Variants in TPSG1 observed in about 807,000 individuals in gnomAD.
TPSG1 encodes tryptase gamma 1, also known as tryptase gamma.
TPSG1 carries 43 observed loss-of-function variants against 23.8 expected under a neutral mutation model. That is an observed-to-expected ratio of 1.81 (90% CI 1.42 to 2.33). The LOEUF is 2.33. Ranked by LOEUF, TPSG1 falls within the 30% of genes most tolerant of loss-of-function variation. The probability of loss-of-function intolerance (pLI) is 0.00; values close to 1 mark genes in which losing one functional copy is unlikely to be tolerated. For missense variants in TPSG1, 623 were observed against 438.6 expected (o/e 1.42, Z -3.75); for synonymous variants, 302 against 201.3 (o/e 1.50, Z -4.23).
In TPSG1 at chr16:1,222,676, C is replaced by T. The variant is rs137977482; in HGVS notation, c.487G>A (p.Gly163Ser). ...FCPGIRCWVTGWGYTREGEPL... is the reference protein window; with the variant it reads ...FCPGIRCWVTSWGYTREGEPL... Reference sequence around the variant, plus strand: ...CCTCCCTCCCGCGTATAGCCCCAGCCGGTCACCCAGCACCGGATCCCAGGG... The same window carrying T: ...CCTCCCTCCCGCGTATAGCCCCAGCTGGTCACCCAGCACCGGATCCCAGGG... Residue 163 changes from glycine to serine, a missense_variant, in exon 4 of 6, where the codon GGC becomes AGC. Physicochemically the swap from Gly to Ser is moderately conservative, Grantham distance 56. Coordinates refer to ENST00000234798, the MANE Select transcript of TPSG1 (RefSeq NM_012467.4). 464 of 1,576,616 alleles carry T rather than the reference C, an allele frequency of 2.9e-4. 2 individuals carry two copies. The African/African-American group carries it at 3.9e-3, about 13-fold the overall frequency.
chr16:1,222,325 C>A lies in TPSG1; in HGVS notation c.528G>T (p.Pro176=). ...YTREGEPLPP[P]YSLREVKVSV... ...AGACTTTCACCTCCCGCAGGCTGTACGGGGGTGGCAGAGGCTCTGGGGTGG... is the reference window on the plus strand; with the variant it reads ...AGACTTTCACCTCCCGCAGGCTGTAAGGGGGTGGCAGAGGCTCTGGGGTGG... Residue 176 remains proline, a synonymous_variant, in exon 5 of 6, where the codon CCG becomes CCT. Coordinates refer to ENST00000234798, the MANE Select transcript of TPSG1 (RefSeq NM_012467.4). The A allele has an allele frequency of 6.2e-7, 1 of 1,600,236 alleles. No individual in the cohort carries two copies. The highest frequency in any genetic ancestry group is 8.5e-7 in the Non-Finnish European group (1 of 1,172,478).
Position 1,222,858 on chromosome 16 carries a change from G to T in TPSG1, c.305C>A (p.Pro102His). The T allele has an allele frequency of 6.2e-7, 1 of 1,610,754 alleles. No individual in the cohort carries two copies. Among genetic ancestry groups the T allele is most frequent in the South Asian group, 1.1e-5 (1 of 90,670 alleles). The change falls in exon 4 of 6, where the codon CCC becomes CAC. Residue 102 changes from proline to histidine, a missense_variant. Coordinates refer to ENST00000234798, the MANE Select transcript of TPSG1 (RefSeq NM_012467.4). ...GATCTGCCTCACGGTGGAGAAGTGG[G>T]GAGACAGAGTGATCTCCAGTTCCCC... ...HLGELEITLS[P>H]HFSTVRQIIL...
In TPSG1 at chr16:1,222,661, G is replaced by T. The variant is rs112491357; in HGVS notation, c.502C>A (p.Arg168=). The change falls in exon 4 of 6, where the codon CGG becomes AGG. Residue 168 remains arginine, a synonymous_variant. Coordinates refer to ENST00000234798, the MANE Select transcript of TPSG1 (RefSeq NM_012467.4). ...RCWVTGWGYT[R]EGEPLPPPYS... ...CACGGGGGCTCCTCACCTCCCTCCC[G>T]CGTATAGCCCCAGCCGGTCACCCAG... 6 of 1,553,930 alleles carry T rather than the reference G, an allele frequency of 3.9e-6. No individual in the cohort carries two copies. Among genetic ancestry groups the T allele is most frequent in the African/African-American group, 1.4e-5 (1 of 73,654 alleles).
chr16:1,221,842 G>A lies in TPSG1; in HGVS notation c.912C>T (p.Ala304=), dbSNP rs369519729. The change falls in exon 6 of 6, where the codon GCC becomes GCT. Residue 304 remains alanine (A), a synonymous_variant. Transcript: ENST00000234798. ...FLLLVSCVLL[A]KCLLHPSADG... Reference sequence around the variant, plus strand: ...CCGCAGATGGGTGCAGCAGGCACTTGGCCAGCAGGACACAGGAGACTAGCA... The same window carrying A: ...CCGCAGATGGGTGCAGCAGGCACTTAGCCAGCAGGACACAGGAGACTAGCA... The A allele has an allele frequency of 4.7e-5, 76 of 1,611,856 alleles. No homozygotes were observed. Among genetic ancestry groups the A allele is most frequent in the Middle Eastern group, 3.3e-4 (2 of 6,054 alleles).
chr16:1,224,107 G>A, intron 2 of TPSG1: 1 of 193,110 alleles, frequency 5.2e-6, no homozygotes, highest in East Asian at 1.7e-4. Flanking sequence ...AAGTTAAGAA[G>A]AAATTAAGAG....
At chr16:1,223,906 C>A (rs1014213234) in intron 2 of TPSG1, 5 of 422,490 alleles carry the variant, frequency 1.2e-5, no homozygotes, top group African/African-American at 2.1e-5. Context: ...AACGGTGGAG[C>A]CCCCGAGAAG....
rs1491176811 is a variant in TPSG1 at position 1,222,767 on chromosome 16, ACT to A, written c.394_395del (p.Ser132CysfsTer20). 1.9e-6 allele frequency: 3 copies of A among 1,612,322 alleles called. No homozygotes were observed. Among genetic ancestry groups the A allele is most frequent in the South Asian group, 2.2e-5 (2 of 91,044 alleles). Reference protein sequence around the residue: ...TSGDIALVELSVPVTLSSRIL... With the variant: ...TSGDIALVELXVPVTLSSRIL... ...TCCGGCTGGAGAGGGTCACGGGGAC[ACT>A]GAGCTCCACCAGGGCGATGTCCCCG... On this transcript the variant is annotated frameshift_variant, in exon 4 of 6. Transcript: ENST00000234798. LOFTEE classifies it high-confidence loss of function.
chr16:1,224,771 G>A, intron 1 of TPSG1, 143 bp from the exon 2 acceptor site: 1 of 958,002 alleles, frequency 1.0e-6, no homozygotes, highest in Non-Finnish European at 1.6e-6. Context: ...GTGAGGCTGG[G>A]TCAACTGCTG....
rs1042476617 is a variant in TPSG1, at chr16:1,222,930, G to C, written c.246-13C>G. 1.8e-5 allele frequency: 29 copies of C among 1,585,764 alleles called. No individual in the cohort carries two copies. The highest frequency in any genetic ancestry group is 2.5e-5 in the Non-Finnish European group (29 of 1,162,242). Reference sequence around the variant, plus strand: ...TGAGTTCAGGGACCTGGGAGGGAAGGTGGCTGGGTGAGAGGGGCCAGCTGC... The same window carrying C: ...TGAGTTCAGGGACCTGGGAGGGAAGCTGGCTGGGTGAGAGGGGCCAGCTGC... On this transcript the variant is annotated splice_polypyrimidine_tract_variant and intron_variant, in intron 3 of 5. Transcript: ENST00000234798.
In TPSG1 at chr16:1,225,213, C is replaced by T. The variant is rs765235836; in HGVS notation, c.40G>A (p.Val14Met). The stretch of plus-strand genomic sequence containing the variant: ...CCCAGGCCAGGTCACCCACCGGGCA[C>T]AGCCAGGAGCAGCAGGAGGCCACAG... ...GACGLLLLLAVPGVSLRTLQP... is the reference protein window; with the variant it reads ...GACGLLLLLAMPGVSLRTLQP... The change falls in exon 1 of 6, where the codon GTG becomes ATG. Residue 14 changes from valine (V) to methionine (M), a missense_variant. By Grantham distance (21) the Val-to-Met change is conservative. Transcript: ENST00000234798. 29 of 1,577,752 alleles carry T rather than the reference C, an allele frequency of 1.8e-5. No individual in the cohort carries two copies. The highest frequency in any genetic ancestry group is 2.5e-5 in the Non-Finnish European group (29 of 1,162,206).
intron 3 of TPSG1, 30 bp downstream of exon 3, chr16:1,223,393 G>A (rs982606440): frequency 2.3e-5 from 36 of 1,552,744 alleles, no homozygotes; most frequent in Admixed American, 1.8e-4. Flanking sequence ...CCTGGACATT[G>A]AGACTGCCCC....
intron 2 of TPSG1, 96 bp from the exon 3 acceptor site, chr16:1,223,690 T>G: frequency 7.1e-7 from 1 of 1,403,224 alleles, no homozygotes; most frequent in South Asian, 1.3e-5. Flanking sequence ...CCCTGCCTTC[T>G]TGGGGACTTT....
At position 1,223,952 on chromosome 16, in the gene TPSG1, C is replaced by T. The variant is rs147912655; in HGVS notation, c.74-358G>A. On this transcript the variant is annotated intron_variant, in intron 2 of 5. Coordinates refer to ENST00000234798, the MANE Select transcript of TPSG1 (RefSeq NM_012467.4). ...CTGGGGGTGGCTGCCTAGTGGGCCC[C>T]GGTTTTCCTTCAGGGGTGGTGGAGA... 7.1e-3 allele frequency: 1,990 copies of T among 279,256 alleles called. 11 individuals are homozygous for T. The highest frequency in any genetic ancestry group is 0.014 in the South Asian group (231 of 16,362). The allele number at this position is 279,256 out of a possible 1,614,324, so 17.3% of individuals were successfully genotyped here. A position where few individuals can be genotyped will look rare whatever the true frequency, so the allele number is the denominator to read the frequency against.
chr16:1,223,997 T>G, intron 2 of TPSG1: 2 of 240,364 alleles, frequency 8.3e-6, no homozygotes, highest in Non-Finnish European at 1.6e-5. Context: ...CTGGATAAAA[T>G]TCGGGGGGCG....
chr16:1,223,274 C>T (rs999504988), intron 3 of TPSG1, 149 bp downstream of exon 3: 11 of 1,096,968 alleles, frequency 1.0e-5, no homozygotes, highest in South Asian at 1.7e-5. Context: ...AGAAGGTGGG[C>T]AACCAGCTCC....
Position 1,221,980 on chromosome 16 carries a change from G to A in TPSG1, c.774C>T (p.Val258=), listed in dbSNP as rs753265931. 2 of 1,612,560 alleles carry A rather than the reference G, an allele frequency of 1.2e-6. No individual in the cohort carries two copies. Among genetic ancestry groups the A allele is most frequent in the Admixed American group, 3.3e-5 (2 of 59,998 alleles). The part of the protein sequence containing the change: ...RPNRPGVYTR[V]PAYVNWIRRH... ...GGCGGATCCAGTTCACGTAGGCAGGGACACGAGTGTAGACTCCCGGCCTGT... is the reference window on the plus strand; with the variant it reads ...GGCGGATCCAGTTCACGTAGGCAGGAACACGAGTGTAGACTCCCGGCCTGT... The change falls in exon 6 of 6, where the codon GTC becomes GTT. Residue 258 remains valine (V), a synonymous_variant. Coordinates refer to ENST00000234798, the MANE Select transcript of TPSG1 (RefSeq NM_012467.4).
Position 1,221,836 on chromosome 16 carries a change from G to A in TPSG1, c.918C>T (p.Cys306=). The change falls in exon 6 of 6, where the codon TGC becomes TGT. Residue 306 remains cysteine, a synonymous_variant. Coordinates refer to ENST00000234798, the MANE Select transcript of TPSG1 (RefSeq NM_012467.4). ...TACCATCCGCAGATGGGTGCAGCAGGCACTTGGCCAGCAGGACACAGGAGA... is the reference window on the plus strand; with the variant it reads ...TACCATCCGCAGATGGGTGCAGCAGACACTTGGCCAGCAGGACACAGGAGA... ...LLVSCVLLAK[C]LLHPSADGTP... 1 of 1,611,792 alleles carries A rather than the reference G, an allele frequency of 6.2e-7. No individual in the cohort carries two copies. Among genetic ancestry groups the A allele is most frequent in the Non-Finnish European group, 8.5e-7 (1 of 1,179,448 alleles).
Position 1,223,662 on chromosome 16 carries a change from C to G in TPSG1, c.74-68G>C, listed in dbSNP as rs530818324. On this transcript the variant is annotated intron_variant, in intron 2 of 5. Transcript: ENST00000234798. ...AACCCACTGCACTTCCTCCATGAAG[C>G]CTTCCCTGACCACACCTCCCTGCCT... 3.4e-6 allele frequency: 5 copies of G among 1,486,636 alleles called. No individual in the cohort carries two copies. In the African/African-American group the frequency reaches 4.3e-5, roughly 13 times the overall value. 92.1% of individuals were successfully genotyped at this position (1,486,636 alleles called of 1,614,324 possible).
At chr16:1,223,382 G>T (rs764620469) in intron 3 of TPSG1, 41 bp downstream of exon 3, 2 of 1,539,228 alleles carry the variant, frequency 1.3e-6, no homozygotes, top group South Asian at 1.2e-5. Flanking sequence ...CCCCACTGGG[G>T]CCTGGACATT....
Sources: allele counts gnomAD v4.1 joint callset, GRCh38; gene constraint gnomAD v4.1.1; transcripts MANE v1.5; gene names NCBI Gene and HGNC (gene_info 2026-07-23, HGNC 2026-07-21).